LOC128125822: variants seen among roughly 807,000 people sequenced by gnomAD.
At chr6:63,580,844 ATG>A in the LOC128125822 span, 1 of 152,454 alleles carries the variant, frequency 6.6e-6, no homozygotes, top group African/African-American at 2.4e-5. Flanking sequence ...ACAGAAGCAC[ATG>A]TCTTTAATGT....
the LOC128125822 span, among the ~76,000 whole-genome samples, chr6:63,577,207 A>G: frequency 6.6e-6 from 1 of 152,226 alleles, no homozygotes; most frequent in Non-Finnish European, 1.5e-5. Context: ...GTTTGCTTGA[A>G]TTGGTATGTG....
At chr6:63,581,823 A>G in the LOC128125822 span, 1 of 152,176 alleles carries the variant, frequency 6.6e-6, no homozygotes, top group African/African-American at 2.4e-5. Flanking sequence ...ACATACCTTT[A>G]TAGATTTTGA....
chr6:63,575,611 T>C, the LOC128125822 span, among the ~76,000 whole-genome samples: 2 of 152,196 alleles, frequency 1.3e-5, no homozygotes, highest in Non-Finnish European at 2.9e-5. Context: ...CTTCTCTGAG[T>C]TGGATTTCAG....
the LOC128125822 span, chr6:63,577,060 A>T: frequency 8.4e-7 from 1 of 1,189,694 alleles, no homozygotes; most frequent in South Asian, 1.4e-5. Context: ...CAAAATAAAA[A>T]CTACTTTGGA....
At chr6:63,572,627 C>A in the LOC128125822 span, 1 of 421,514 alleles carries the variant, frequency 2.4e-6, no homozygotes. Flanking sequence ...CCGCCGCCTC[C>A]TGCCCTGCAG....
the LOC128125822 span, chr6:63,576,534 T>G: frequency 4.7e-6 from 2 of 426,466 alleles, no homozygotes; most frequent in Admixed American, 4.1e-5. Context: ...ACAAGTGAAC[T>G]GTAGAAACTG....
the LOC128125822 span, chr6:63,580,186 C>A: frequency 1.7e-5 from 27 of 1,571,926 alleles, no homozygotes; most frequent in Non-Finnish European, 2.3e-5. Flanking sequence ...ATTGGGGTGC[C>A]TAATGCTACT....
the LOC128125822 span, chr6:63,573,696 C>T: frequency 6.6e-6 from 1 of 152,270 alleles, no homozygotes; most frequent in Non-Finnish European, 1.5e-5. Context: ...CGCCCCACCT[C>T]GGGCTCGTGA....
At chr6:63,580,184 G>T in the LOC128125822 span, 2 of 1,580,006 alleles carry the variant, frequency 1.3e-6, no homozygotes, top group Non-Finnish European at 1.7e-6. Flanking sequence ...AAATTGGGGT[G>T]CCTAATGCTA....
chr6:63,580,887 A>T, the LOC128125822 span: 1 of 152,614 alleles, frequency 6.6e-6, no homozygotes, highest in Non-Finnish European at 1.5e-5. Flanking sequence ...CATTAATTTA[A>T]TGTTTGCACT....
the LOC128125822 span, chr6:63,572,844 G>T: frequency 2.5e-6 from 1 of 394,696 alleles, no homozygotes; most frequent in Non-Finnish European, 4.5e-6. Flanking sequence ...GTTCCGGTGG[G>T]TCCCGGGTGG....
chr6:63,579,421 AT>A, the LOC128125822 span: 1 of 894,078 alleles, frequency 1.1e-6, no homozygotes, highest in Non-Finnish European at 1.6e-6. Context: ...CCATTTAATC[AT>A]TATGATTATT....
At chr6:63,581,868 G>T in the LOC128125822 span, 1 of 152,096 alleles carries the variant, frequency 6.6e-6, no homozygotes, top group African/African-American at 2.4e-5. Context: ...GTACATGAAG[G>T]CTTAATGTTA....
chr6:63,581,824 T>G, the LOC128125822 span: 1 of 152,200 alleles, frequency 6.6e-6, no homozygotes, highest in Non-Finnish European at 1.5e-5. Context: ...CATACCTTTA[T>G]AGATTTTGAA....
At chr6:63,579,723 C>A in the LOC128125822 span, among the ~76,000 whole-genome samples, 1 of 152,112 alleles carries the variant, frequency 6.6e-6, no homozygotes, top group Non-Finnish European at 1.5e-5. Context: ...GTAGAACATG[C>A]CTTTGTGGCT....
chr6:63,582,106 G>A, the LOC128125822 span: 122 of 152,180 alleles, frequency 8.0e-4, no homozygotes, highest in African/African-American at 2.7e-3. Flanking sequence ...AAGAACAGGG[G>A]CCTCTGGAGG....
At chr6:63,576,356 A>C in the LOC128125822 span, 3 of 397,112 alleles carry the variant, frequency 7.6e-6, no homozygotes, top group African/African-American at 6.2e-5. Context: ...TTGTGTACTT[A>C]AATAGTGTAA....
At chr6:63,576,087 A>G in the LOC128125822 span, among the ~76,000 whole-genome samples, 1 of 149,928 alleles carries the variant, frequency 6.7e-6, no homozygotes, top group African/African-American at 2.4e-5. Context: ...TCATATAATT[A>G]TATATTATAT....
the LOC128125822 span, chr6:63,576,711 T>G: frequency 1.3e-4 from 80 of 619,494 alleles, no homozygotes; most frequent in South Asian, 3.1e-4. Flanking sequence ...AATTGCTGCT[T>G]CTTGTTAGGA....
Sources: gnomAD v4.1 joint callset for allele counts (sites outside exome capture counted in the v4.1 genomes callset) on GRCh38, gnomAD v4.1.1 for gene constraint, MANE v1.5 for transcripts.